SGCZ: variants seen among roughly 807,000 people sequenced by gnomAD.
The protein encoded by SGCZ is zeta-sarcoglycan.
SGCZ carries 40 observed loss-of-function variants against 41.3 expected under a neutral mutation model. The observed-to-expected ratio is 0.97, with a 90% CI of 0.75 to 1.26. The LOEUF (loss-of-function observed/expected upper bound fraction) is 1.26. Among genes scored for constraint, SGCZ ranks in the 50% most tolerant of loss-of-function variants. The probability of loss-of-function intolerance (pLI) is 0.00; values close to 1 mark genes in which losing one functional copy is unlikely to be tolerated. For missense variants in SGCZ, 552 were observed against 369.8 expected (o/e 1.49, Z -4.04); for synonymous variants, 206 against 137.5 (o/e 1.50, Z -3.49).
intron 4 of SGCZ, among the ~76,000 whole-genome samples, chr8:14,183,956 T>A (rs1585209790): frequency 6.6e-6 from 1 of 152,178 alleles, no homozygotes; most frequent in Non-Finnish European, 1.5e-5. Flanking sequence ...GAAATACTTA[T>A]AGTTAAGAAG....
At chr8:15,101,822 C>G (rs1262787536) in intron 1 of SGCZ, among the ~76,000 whole-genome samples, 1 of 152,132 alleles carries the variant, frequency 6.6e-6, no homozygotes, top group African/African-American at 2.4e-5. Context: ...CCCAGCTACT[C>G]GCTGAAGCAG....
At chr8:14,813,726 C>T (rs1025648062) in intron 1 of SGCZ, among the ~76,000 whole-genome samples, 1 of 152,064 alleles carries the variant, frequency 6.6e-6, no homozygotes, top group Non-Finnish European at 1.5e-5. Flanking sequence ...GGGAGGTGGG[C>T]AGATCACCTG....
chr8:14,384,372 G>A (rs1226544333), intron 2 of SGCZ, among the ~76,000 whole-genome samples: 1 of 152,044 alleles, frequency 6.6e-6, no homozygotes. Context: ...CAACCCAAAT[G>A]TCGACCAACG....
intron 3 of SGCZ, among the ~76,000 whole-genome samples, chr8:14,272,162 C>A (rs971539428): frequency 6.6e-5 from 10 of 152,134 alleles, no homozygotes; most frequent in African/African-American, 2.4e-4. Flanking sequence ...TGCCACCATG[C>A]CCAGCTAATT....
At chr8:15,010,347 A>G (rs921982439) in intron 1 of SGCZ, among the ~76,000 whole-genome samples, 1 of 152,188 alleles carries the variant, frequency 6.6e-6, no homozygotes, top group African/African-American at 2.4e-5. Flanking sequence ...ATTCTACCTC[A>G]TCTATCATTT....
chr8:14,808,334 T>C (rs1801619588), intron 1 of SGCZ, among the ~76,000 whole-genome samples: 1 of 152,266 alleles, frequency 6.6e-6, no homozygotes, highest in Non-Finnish European at 1.5e-5. Context: ...CCTACTCATC[T>C]GACAAAGGGC....
intron 1 of SGCZ, among the ~76,000 whole-genome samples, chr8:14,684,736 A>G (rs1238990884): frequency 6.6e-6 from 1 of 151,706 alleles, no homozygotes; most frequent in East Asian, 1.9e-4. Context: ...GTTTAACAGG[A>G]ATCACATCAT....
chr8:15,204,326 T>G (rs1301467800), intron 1 of SGCZ, among the ~76,000 whole-genome samples: 1 of 152,188 alleles, frequency 6.6e-6, no homozygotes, highest in Admixed American at 6.5e-5. Flanking sequence ...CAGAAGGGTT[T>G]TATTTTGACA....
chr8:14,422,146 C>T (rs904291686), intron 2 of SGCZ, among the ~76,000 whole-genome samples: 1 of 152,070 alleles, frequency 6.6e-6, no homozygotes, highest in Admixed American at 6.6e-5. Context: ...AAACACAAAT[C>T]TATCTAAAAA....
At chr8:14,708,765 T>C (rs926809616) in intron 1 of SGCZ, among the ~76,000 whole-genome samples, 1 of 152,016 alleles carries the variant, frequency 6.6e-6, no homozygotes, top group Non-Finnish European at 1.5e-5. Context: ...CAAGATTCTA[T>C]ATGATATGGC....
At chr8:14,102,710 T>TA (rs1287187253) in intron 6 of SGCZ, among the ~76,000 whole-genome samples, 1 of 152,106 alleles carries the variant, frequency 6.6e-6, no homozygotes, top group Non-Finnish European at 1.5e-5. Context: ...TGGCTCTTTA[T>TA]AAAAATCTAC....
chr8:14,541,115 G>C (rs777896688), intron 2 of SGCZ, among the ~76,000 whole-genome samples: 1 of 151,570 alleles, frequency 6.6e-6, no homozygotes, highest in Non-Finnish European at 1.5e-5. Flanking sequence ...ATATATATCA[G>C]ATATAAATAA....
At chr8:14,155,932 C>G (rs1227648933) in intron 5 of SGCZ, among the ~76,000 whole-genome samples, 1 of 152,038 alleles carries the variant, frequency 6.6e-6, no homozygotes, top group Non-Finnish European at 1.5e-5. Flanking sequence ...CTATAGTCAG[C>G]TGTAACACAA....
At position 14,572,588 on chromosome 8, in the gene SGCZ, G is replaced by A. The variant is rs540320470; in HGVS notation, c.40-17662C>T. On this transcript the variant is annotated intron_variant, in intron 1 of 7. Coordinates refer to ENST00000382080, the MANE Select transcript of SGCZ (RefSeq NM_139167.4). ...AAGGAATTTTTGCAAGAACTAGCAG[G>A]GGCAGGAGACATAGGAGGAGGCTTT... Among the ~76,000 whole-genome samples, 17 of 152,186 alleles carry A rather than the reference G, an allele frequency of 1.1e-4. No individual in the cohort carries two copies. The East Asian group carries it at 2.9e-3, about 26-fold the overall frequency.
intron 1 of SGCZ, among the ~76,000 whole-genome samples, chr8:15,136,962 G>A (rs1585601502): frequency 6.6e-6 from 1 of 152,282 alleles, no homozygotes; most frequent in Non-Finnish European, 1.5e-5. Flanking sequence ...AACAAGACAG[G>A]AAAATGTGGG....
intron 1 of SGCZ, among the ~76,000 whole-genome samples, chr8:14,660,599 A>T (rs1286685679): frequency 2.6e-5 from 4 of 151,290 alleles, no homozygotes; most frequent in African/African-American, 9.7e-5. Flanking sequence ...AAGAGAGAAA[A>T]GAAAAATAGC....
chr8:15,088,051 G>C (rs1806013691), intron 1 of SGCZ, among the ~76,000 whole-genome samples: 1 of 152,008 alleles, frequency 6.6e-6, no homozygotes, highest in Non-Finnish European at 1.5e-5. Context: ...ATGTAAGTGT[G>C]TCTCAAATCA....
chr8:14,927,522 G>C (rs1393991021), intron 1 of SGCZ, among the ~76,000 whole-genome samples: 1 of 150,376 alleles, frequency 6.6e-6, no homozygotes, highest in Non-Finnish European at 1.5e-5. Flanking sequence ...ATAAGAAGAA[G>C]AGCAAGAAGA....
At chr8:14,659,298 G>T (rs1041828605) in intron 1 of SGCZ, among the ~76,000 whole-genome samples, 2 of 152,026 alleles carry the variant, frequency 1.3e-5, no homozygotes, top group Non-Finnish European at 1.5e-5. Context: ...TGATTAACCC[G>T]ATTTGATCAT....
Sources: gnomAD v4.1 joint callset for allele counts (sites outside exome capture counted in the v4.1 genomes callset) on GRCh38, gnomAD v4.1.1 for gene constraint, MANE v1.5 for transcripts, NCBI Gene and HGNC (gene_info 2026-07-23, HGNC 2026-07-21) for gene names.